Variants in ALDH1L1 observed in about 807,000 individuals in gnomAD.
ALDH1L1 encodes cytosolic 10-formyltetrahydrofolate dehydrogenase.
In ALDH1L1, 68 loss-of-function variants were observed where a neutral mutation model predicts 101.1. That is an observed-to-expected ratio of 0.67 (90% confidence interval 0.55 to 0.82). The LOEUF (loss-of-function observed/expected upper bound fraction) is 0.82. Ranked by LOEUF, ALDH1L1 falls within the 40% of genes least tolerant of loss-of-function variation. The probability of loss-of-function intolerance (pLI) is 0.00; values close to 1 mark genes in which losing one functional copy is unlikely to be tolerated. For missense variants in ALDH1L1, 1,087 were observed against 1,172.7 expected (o/e 0.93, Z 1.07); for synonymous variants, 486 against 470.8 (o/e 1.03, Z -0.42).
In ALDH1L1 at chr3:126,110,053, G is replaced by A. The variant is rs770157307; in HGVS notation, c.2238C>T (p.His746=). 20 of 1,614,098 alleles carry A rather than the reference G, an allele frequency of 1.2e-5. No homozygotes were observed. Among genetic ancestry groups the A allele is most frequent in the East Asian group, 6.7e-5 (3 of 44,898 alleles). The part of the protein sequence containing the change: ...VGNPLDRDTD[H]GPQNHHAHLV... ...GGTGGGCATGGTGATTCTGCGGCCCGTGGTCGGTGTCCCTGTCCAGCGGGT... is the reference window on the plus strand; with the variant it reads ...GGTGGGCATGGTGATTCTGCGGCCCATGGTCGGTGTCCCTGTCCAGCGGGT... Residue 746 remains histidine, a synonymous_variant, in exon 20 of 23, where the codon CAC becomes CAT. Transcript: ENST00000393434.
chr3:126,187,947 A>C (rs994531494), intron 1 of ALDH1L1, among the ~76,000 whole-genome samples: 1 of 152,210 alleles, frequency 6.6e-6, no homozygotes, highest in African/African-American at 2.4e-5. Context: ...TTGAGAAGAA[A>C]AAAAAAGATT....
chr3:126,186,498 ACCCT>A (rs2081519391), upstream of ALDH1L1, among the ~76,000 whole-genome samples: 1 of 65,424 alleles, frequency 1.5e-5, no homozygotes, highest in Non-Finnish European at 4.6e-5. Flanking sequence ...CCTGAACCTG[ACCCT>A]GACCCTGACC....
At chr3:126,180,846 C>T (rs765209275), upstream of ALDH1L1, 4 of 1,551,142 alleles carry the variant, frequency 2.6e-6, no homozygotes, top group Non-Finnish European at 3.5e-6. Context: ...TCCCAAGCAC[C>T]CAGCAGGGCT....
chr3:126,167,055 A>T (rs1376918149), intron 1 of ALDH1L1, among the ~76,000 whole-genome samples: 1 of 152,220 alleles, frequency 6.6e-6, no homozygotes, highest in Non-Finnish European at 1.5e-5. Flanking sequence ...TGAGTCATTC[A>T]GATTAGTATC....
chr3:126,145,493 AT>A (rs1233134322), intron 9 of ALDH1L1, among the ~76,000 whole-genome samples: 1 of 152,188 alleles, frequency 6.6e-6, no homozygotes. Flanking sequence ...ATGAAATAGG[AT>A]TCAGCCATAA....
chr3:126,160,731 G>A lies in ALDH1L1; in HGVS notation c.127+122C>T, dbSNP rs540960001. 77 of 1,436,740 alleles carry A rather than the reference G, an allele frequency of 5.4e-5. No individual in the cohort carries two copies. The African/African-American group carries it at 1.0e-3, about 19-fold the overall frequency. The allele number at this position is 1,436,740 out of a possible 1,614,324, so 89.0% of individuals were successfully genotyped here. On this transcript the variant is annotated intron_variant, in intron 2 of 22. Transcript: ENST00000393434. ...GATTCAAGGTAGACCACTTATGGCT[G>A]CCTCCCAGCTAGAGCACAGGCCCTG...
chr3:126,103,705 G>T lies in ALDH1L1; in HGVS notation c.*86C>A. On this transcript the variant is annotated 3_prime_UTR_variant, in exon 23 of 23. Coordinates refer to ENST00000393434, the MANE Select transcript of ALDH1L1 (RefSeq NM_012190.4). ...AGGGCTTCCACTAGCCCCCCAGGTGGGAGGTGCTGTGCACCCAGGCTCAAG... is the reference window on the plus strand; with the variant it reads ...AGGGCTTCCACTAGCCCCCCAGGTGTGAGGTGCTGTGCACCCAGGCTCAAG... 7.0e-7 allele frequency: 1 copy of T among 1,421,464 alleles called. No individual in the cohort carries two copies. The allele number at this position is 1,421,464 out of a possible 1,614,324, so 88.1% of individuals were successfully genotyped here.
chr3:126,139,493 T>C (rs2080521098), intron 9 of ALDH1L1, among the ~76,000 whole-genome samples: 1 of 141,936 alleles, frequency 7.0e-6, no homozygotes, highest in Admixed American at 6.9e-5. Context: ...CCAAGAAAGA[T>C]CTACAAAACA....
rs1366928063 is a variant in ALDH1L1 at position 126,146,838 on chromosome 3, A to G, written c.1073T>C (p.Val358Ala). 6.2e-7 allele frequency: 1 copy of G among 1,613,832 alleles called. No homozygotes were observed. The highest frequency in any genetic ancestry group is 2.2e-5 in the East Asian group (1 of 44,852). The change falls in exon 9 of 23, where the codon GTG (valine) becomes GCG (alanine). Residue 358 changes from valine to alanine, a missense_variant. Around this residue, in one of 2 missense-constraint regions of ALDH1L1, gnomAD observed 645 missense variants for 637.0 expected, o/e 1.01. Transcript: ENST00000393434. Reference protein sequence around the residue: ...FKSGAASVDVVRLVEEVKELC... With the variant: ...FKSGAASVDVARLVEEVKELC... ...ACCCCTCCACTCCTGGCCTTACCTC[A>G]CAACGTCCACAGACGCGGCCCCTGA... is the stretch of plus-strand genomic sequence containing the variant.
intron 14 of ALDH1L1, among the ~76,000 whole-genome samples, chr3:126,126,108 G>T (rs2080177234): frequency 6.6e-6 from 1 of 152,170 alleles, no homozygotes; most frequent in African/African-American, 2.4e-5. Flanking sequence ...GGCCTGGAGA[G>T]GGTCCTCCAG....
At chr3:126,162,308 A>G (rs541998392) in intron 1 of ALDH1L1, among the ~76,000 whole-genome samples, 7 of 152,292 alleles carry the variant, frequency 4.6e-5, no homozygotes, top group Non-Finnish European at 8.8e-5. Flanking sequence ...TGGTTGTATT[A>G]GTTTCCACTT....
intron 8 of ALDH1L1, among the ~76,000 whole-genome samples, chr3:126,149,088 C>T (rs2080756351): frequency 6.6e-6 from 1 of 152,188 alleles, no homozygotes; most frequent in African/African-American, 2.4e-5. Flanking sequence ...CTTCCTGTTA[C>T]ACCAGAAGCT....
chr3:126,144,850 T>C (rs1288211692), intron 9 of ALDH1L1, among the ~76,000 whole-genome samples: 1 of 152,216 alleles, frequency 6.6e-6, no homozygotes, highest in Non-Finnish European at 1.5e-5. Context: ...ACAAGTCATA[T>C]GCATCAAAGT....
chr3:126,171,492 C>T (rs954665060), intron 1 of ALDH1L1, among the ~76,000 whole-genome samples: 16 of 152,094 alleles, frequency 1.1e-4, no homozygotes, highest in African/African-American at 2.9e-4. Flanking sequence ...CCTAACTTGG[C>T]CAGAAGGCTC....
At chr3:126,193,185 T>C (rs1209758893) in intron 1 of ALDH1L1, among the ~76,000 whole-genome samples, 1 of 152,220 alleles carries the variant, frequency 6.6e-6, no homozygotes, top group Non-Finnish European at 1.5e-5. Context: ...TCAGGCCATA[T>C]TTAGTTTGCT....
chr3:126,125,715 A>G lies in ALDH1L1; in HGVS notation c.1701T>C (p.Cys567=). ...TLTRKEPVGV[C]GIIIPWNYPL... ...GATAGTTCCAGGGGATGATGATGCC[A>G]CAAACCCTGCCACACAAAAGAGGTT... The change falls in exon 15 of 23, where the codon TGT becomes TGC. Residue 567 remains cysteine, a synonymous_variant. Coordinates refer to ENST00000393434, the MANE Select transcript of ALDH1L1 (RefSeq NM_012190.4). 1 of 1,561,234 alleles carries G rather than the reference A, an allele frequency of 6.4e-7. No individual in the cohort carries two copies. The highest frequency in any genetic ancestry group is 8.7e-7 in the Non-Finnish European group (1 of 1,150,656).
intron 1 of ALDH1L1, among the ~76,000 whole-genome samples, chr3:126,190,483 C>A (rs906770494): frequency 3.9e-5 from 6 of 152,312 alleles, no homozygotes; most frequent in South Asian, 4.1e-4. Flanking sequence ...TGGGTCCACA[C>A]TTCACGCTGA....
At chr3:126,110,527 C>T (rs1198891916) in intron 19 of ALDH1L1, among the ~76,000 whole-genome samples, 1 of 152,132 alleles carries the variant, frequency 6.6e-6, no homozygotes, top group Non-Finnish European at 1.5e-5. Flanking sequence ...GATACACCAG[C>T]CCTGCTGCAA....
intron 16 of ALDH1L1, among the ~76,000 whole-genome samples, chr3:126,119,660 G>T (rs2080041158): frequency 6.6e-6 from 1 of 152,126 alleles, no homozygotes; most frequent in Non-Finnish European, 1.5e-5. Context: ...CAGTGATTTT[G>T]ATACTAACTC....
Sources: gnomAD v4.1 joint callset for allele counts (sites outside exome capture counted in the v4.1 genomes callset) on GRCh38, gnomAD v4.1.1 for gene constraint, gnomAD v4.1.1 regional missense constraint, MANE v1.5 for transcripts, NCBI Gene and HGNC (gene_info 2026-07-23, HGNC 2026-07-21) for gene names.